Variants in NSUN3 observed in about 807,000 individuals in gnomAD.
NSUN3 encodes tRNA (cytosine(34)-C(5))-methyltransferase, mitochondrial.
In NSUN3, 24 loss-of-function variants were observed where a neutral mutation model predicts 36.8. The observed-to-expected ratio is 0.65, with a 90% CI of 0.47 to 0.92. The LOEUF is 0.92. NSUN3 is among the 40% of genes least tolerant of loss of function. The pLI is 0.00. For synonymous variants in NSUN3, 146 were observed against 145.2 expected (o/e 1.01, Z -0.04); for missense variants, 381 against 392.8 (o/e 0.97, Z 0.25).
intron 5 of NSUN3, among the ~76,000 whole-genome samples, chr3:94,124,889 C>A (rs895267414): frequency 1.3e-5 from 2 of 152,032 alleles, no homozygotes; most frequent in African/African-American, 4.8e-5. Flanking sequence ...AATAGAGGCT[C>A]AATAAATAAT....
At chr3:94,081,224 C>A (rs2077267475) in intron 2 of NSUN3, among the ~76,000 whole-genome samples, 1 of 152,168 alleles carries the variant, frequency 6.6e-6, no homozygotes, top group Non-Finnish European at 1.5e-5. Flanking sequence ...TCAGCTCGCC[C>A]TCTGTGGGCT....
intron 2 of NSUN3, among the ~76,000 whole-genome samples, chr3:94,071,880 G>C (rs982279826): frequency 6.6e-6 from 1 of 152,096 alleles, no homozygotes; most frequent in Non-Finnish European, 1.5e-5. Flanking sequence ...CTTTGGATTC[G>C]GAAGCCACTT....
At chr3:94,091,012 G>T (rs191003443) in intron 3 of NSUN3, among the ~76,000 whole-genome samples, 1 of 152,140 alleles carries the variant, frequency 6.6e-6, no homozygotes, top group Non-Finnish European at 1.5e-5. Flanking sequence ...CTTTGATGCC[G>T]TGTTCCTCTC....
chr3:94,099,394 T>C (rs1050229168), intron 5 of NSUN3, among the ~76,000 whole-genome samples: 2 of 152,176 alleles, frequency 1.3e-5, no homozygotes, highest in African/African-American at 4.8e-5. Flanking sequence ...ATCATCTTAC[T>C]TCCCTAAAGG....
At chr3:94,114,346 A>T (rs922306668) in intron 5 of NSUN3, among the ~76,000 whole-genome samples, 33 of 152,162 alleles carry the variant, frequency 2.2e-4, no homozygotes, top group African/African-American at 7.7e-4. Context: ...GGCAAATCAG[A>T]GTCTTTTTGT....
At chr3:94,114,605 A>G (rs1560040957) in intron 5 of NSUN3, among the ~76,000 whole-genome samples, 1 of 152,076 alleles carries the variant, frequency 6.6e-6, no homozygotes, top group African/African-American at 2.4e-5. Context: ...TTGTTTACTT[A>G]TTTTTTTAAA....
intron 3 of NSUN3, among the ~76,000 whole-genome samples, chr3:94,091,299 A>T: frequency 6.6e-6 from 1 of 152,212 alleles, no homozygotes. Context: ...ATCCAGAAAT[A>T]TATTCAGTCA....
At chr3:94,106,642 G>A (rs1217261954) in intron 5 of NSUN3, among the ~76,000 whole-genome samples, 1 of 152,104 alleles carries the variant, frequency 6.6e-6, no homozygotes, top group African/African-American at 2.4e-5. Context: ...GTTTTCTTTG[G>A]TCGTAGTGTA....
intron 2 of NSUN3, among the ~76,000 whole-genome samples, chr3:94,075,321 A>G (rs1275011438): frequency 6.6e-6 from 1 of 152,172 alleles, no homozygotes; most frequent in Non-Finnish European, 1.5e-5. Context: ...ACAGCTCAAG[A>G]AATACACTAA....
At chr3:94,063,944 G>C (rs1553849857) in intron 1 of NSUN3, 1 of 155,842 alleles carries the variant, frequency 6.4e-6, no homozygotes, top group Non-Finnish European at 1.4e-5. Context: ...CACCTCCTGA[G>C]TTCAAGCGAT....
intron 5 of NSUN3, among the ~76,000 whole-genome samples, chr3:94,103,838 A>T (rs1297258897): frequency 6.6e-6 from 1 of 152,212 alleles, no homozygotes; most frequent in Non-Finnish European, 1.5e-5. Context: ...TCCAGGCAAG[A>T]GCCTGGTAAC....
Position 94,129,547 on chromosome 3 carries a change from C to G in NSUN3, c.*3057C>G, listed in dbSNP as rs1298731638. 6.6e-6 allele frequency among the ~76,000 whole-genome samples: 1 copy of G among 151,950 alleles called. No individual in the cohort carries two copies. The highest frequency in any genetic ancestry group is 2.4e-5 in the African/African-American group (1 of 41,340). On this transcript the variant is annotated 3_prime_UTR_variant, in exon 6 of 6. Coordinates refer to ENST00000314622, the MANE Select transcript of NSUN3 (RefSeq NM_022072.5). Reference sequence around the variant, plus strand: ...GAAAAACTACCTATTGGGTACTGCACTCACTACCTGGGTGACGGGATCGTC... The same window carrying G: ...GAAAAACTACCTATTGGGTACTGCAGTCACTACCTGGGTGACGGGATCGTC...
At chr3:94,091,136 G>A (rs769965833) in intron 3 of NSUN3, among the ~76,000 whole-genome samples, 26 of 152,064 alleles carry the variant, frequency 1.7e-4, no homozygotes, top group Non-Finnish European at 3.2e-4. Context: ...AGTATGCTTC[G>A]AAATCATTAC....
chr3:94,113,811 A>C (rs539571198), intron 5 of NSUN3, among the ~76,000 whole-genome samples: 95 of 152,234 alleles, frequency 6.2e-4, no homozygotes, highest in Admixed American at 1.0e-3. Flanking sequence ...TGGAATAACT[A>C]CCAAGTTATT....
chr3:94,101,829 G>A (rs1358972299), intron 5 of NSUN3, among the ~76,000 whole-genome samples: 1 of 152,022 alleles, frequency 6.6e-6, no homozygotes, highest in Non-Finnish European at 1.5e-5. Context: ...AATAAAGTGG[G>A]AAAATATACT....
rs772438443 is a variant in NSUN3, at chr3:94,064,582, C to G, written c.122+36C>G. On this transcript the variant is annotated intron_variant, in intron 2 of 5. Coordinates refer to ENST00000314622, the MANE Select transcript of NSUN3 (RefSeq NM_022072.5). Reference sequence around the variant, plus strand: ...TTCATCTCGATGCTTTATGATGGAACAAAGTACAATATGTAGTCCTCCTTT... The same window carrying G: ...TTCATCTCGATGCTTTATGATGGAAGAAAGTACAATATGTAGTCCTCCTTT... 8.6e-6 allele frequency: 11 copies of G among 1,278,636 alleles called. No individual in the cohort carries two copies. The Admixed American group carries it at 1.9e-4, about 22-fold the overall frequency. 79.2% of individuals were successfully genotyped at this position (1,278,636 alleles called of 1,614,324 possible). A position where few individuals can be genotyped will look rare whatever the true frequency, so the allele number is the denominator to read the frequency against.
chr3:94,067,362 T>C (rs2077209096), intron 2 of NSUN3, among the ~76,000 whole-genome samples: 1 of 152,220 alleles, frequency 6.6e-6, no homozygotes, highest in South Asian at 2.1e-4. Flanking sequence ...TTCATTATAA[T>C]AAACTGTGAC....
At chr3:94,091,047 C>T (rs1159105513) in intron 3 of NSUN3, among the ~76,000 whole-genome samples, 2 of 152,200 alleles carry the variant, frequency 1.3e-5, no homozygotes, top group Admixed American at 1.3e-4. Context: ...AATAATGATA[C>T]TGTCCTGTGT....
At chr3:94,080,999 G>A (rs897524315) in intron 2 of NSUN3, among the ~76,000 whole-genome samples, 1 of 152,172 alleles carries the variant, frequency 6.6e-6, no homozygotes, top group Non-Finnish European at 1.5e-5. Context: ...TGCCTAAAGA[G>A]CCACCCAATT....
Sources: allele counts gnomAD v4.1 joint callset (sites outside exome capture counted in the v4.1 genomes callset), GRCh38; gene constraint gnomAD v4.1.1; transcripts MANE v1.5; gene names NCBI Gene and HGNC (gene_info 2026-07-23, HGNC 2026-07-21).